EVL: variants seen among roughly 807,000 people sequenced by gnomAD.
EVL encodes ena/VASP-like protein.
EVL carries 21 observed loss-of-function variants against 59.6 expected under a neutral mutation model. The ratio of observed to expected loss-of-function variants is 0.35; its 90% CI spans 0.25 to 0.51. The LOEUF (loss-of-function observed/expected upper bound fraction) is 0.51. Among genes scored for constraint, EVL ranks in the 20% least tolerant of loss-of-function variants. EVL has a pLI of 0.97. For synonymous variants in EVL, 198 were observed against 203.5 expected (o/e 0.97, Z 0.23); for missense variants, 462 against 546.6 (o/e 0.85, Z 1.54).
chr14:100,078,408 T>C (rs2062212932), intron 1 of EVL, among the ~76,000 whole-genome samples: 2 of 152,072 alleles, frequency 1.3e-5, no homozygotes, highest in Admixed American at 1.3e-4. Context: ...GTTTTCAGAA[T>C]GAGGACATAG....
chr14:100,118,878 A>G (rs1183285238), intron 3 of EVL, among the ~76,000 whole-genome samples: 1 of 152,208 alleles, frequency 6.6e-6, no homozygotes, highest in Non-Finnish European at 1.5e-5. Flanking sequence ...CTTAGACTCG[A>G]AGCTGGAAAG....
chr14:100,043,643 C>A (rs2140236656), intron 1 of EVL, among the ~76,000 whole-genome samples: 1 of 146,716 alleles, frequency 6.8e-6, no homozygotes, highest in Non-Finnish European at 1.5e-5. Context: ...GACAGGGTCT[C>A]ACTCTGTTGC....
chr14:100,136,128 C>T (rs1032582270), intron 9 of EVL, among the ~76,000 whole-genome samples, 160 bp downstream of exon 9: 1 of 144,158 alleles, frequency 6.9e-6, no homozygotes, highest in African/African-American at 2.5e-5. Flanking sequence ...CAGAGCCTCC[C>T]CCAGGAGCCC....
At chr14:99,976,234 G>T (rs1022003004) in intron 1 of EVL, among the ~76,000 whole-genome samples, 1 of 151,438 alleles carries the variant, frequency 6.6e-6, no homozygotes, top group African/African-American at 2.4e-5. Context: ...AAGTGACAGG[G>T]TCTTGCTGTG....
chr14:100,070,873 A>T (rs1393810395), intron 1 of EVL, among the ~76,000 whole-genome samples: 1 of 152,254 alleles, frequency 6.6e-6, no homozygotes, highest in Non-Finnish European at 1.5e-5. Flanking sequence ...GAAGACACAG[A>T]GCAAAATATA....
intron 1 of EVL, among the ~76,000 whole-genome samples, chr14:99,981,101 T>C (rs2060803159): frequency 6.6e-6 from 1 of 151,640 alleles, no homozygotes; most frequent in Non-Finnish European, 1.5e-5. Flanking sequence ...AGGCATCTGC[T>C]TTTTAGGCTT....
upstream of EVL, among the ~76,000 whole-genome samples, chr14:100,063,291 C>T (rs541078740): frequency 1.2e-4 from 18 of 152,252 alleles, no homozygotes; most frequent in African/African-American, 3.9e-4. Context: ...GAAGAAGGGT[C>T]GGAGCACTGC....
At chr14:100,050,192 A>G (rs1281031442) in intron 1 of EVL, among the ~76,000 whole-genome samples, 1 of 152,200 alleles carries the variant, frequency 6.6e-6, no homozygotes, top group Non-Finnish European at 1.5e-5. Context: ...GAGCGGGGAA[A>G]GGAGAGGAGC....
chr14:99,997,141 T>A (rs1291538057), intron 1 of EVL, among the ~76,000 whole-genome samples: 8 of 152,258 alleles, frequency 5.3e-5, no homozygotes, highest in Admixed American at 6.5e-5. Flanking sequence ...TTGTGTCATT[T>A]CCCATCTTTA....
chr14:100,047,790 G>A (rs746206742), intron 1 of EVL, among the ~76,000 whole-genome samples: 11 of 152,152 alleles, frequency 7.2e-5, no homozygotes, highest in South Asian at 2.1e-4. Context: ...GCTTGGACAC[G>A]TGGGTAGAAA....
intron 1 of EVL, among the ~76,000 whole-genome samples, chr14:99,988,874 C>T (rs1390421399): frequency 6.6e-6 from 1 of 152,090 alleles, no homozygotes; most frequent in Non-Finnish European, 1.5e-5. Flanking sequence ...TCTATAGAGA[C>T]AGAATGTAGA....
At chr14:100,123,515 G>T (rs754982771) in intron 3 of EVL, 24 bp from the exon 4 acceptor site, 2 of 1,613,362 alleles carry the variant, frequency 1.2e-6, no homozygotes, top group South Asian at 2.2e-5. Flanking sequence ...TAACCACACT[G>T]TTTCTGTGCT....
chr14:100,044,080 A>T (rs1046333343), intron 1 of EVL, among the ~76,000 whole-genome samples: 8 of 152,192 alleles, frequency 5.3e-5, no homozygotes, highest in Admixed American at 3.3e-4. Context: ...CACACCCAGA[A>T]ATAACACTTT....
At chr14:100,123,463 T>C in intron 3 of EVL, 76 bp from the exon 4 acceptor site, 1 of 1,463,776 alleles carries the variant, frequency 6.8e-7, no homozygotes, top group South Asian at 1.2e-5. Flanking sequence ...TGGGCAGAGA[T>C]AGAGAGCACT....
chr14:100,119,561 TG>T (rs1363130994), intron 3 of EVL, among the ~76,000 whole-genome samples: 1 of 152,104 alleles, frequency 6.6e-6, no homozygotes, highest in African/African-American at 2.4e-5. Flanking sequence ...CAGCAAGGCT[TG>T]GGGGGCAGAG....
intron 1 of EVL, among the ~76,000 whole-genome samples, chr14:100,024,012 T>G (rs2061170225): frequency 6.6e-6 from 1 of 152,216 alleles, no homozygotes; most frequent in East Asian, 1.9e-4. Context: ...ATCAGAGACT[T>G]CTGTTTCTCA....
At chr14:100,015,042 A>G (rs2061040343) in intron 1 of EVL, among the ~76,000 whole-genome samples, 1 of 152,328 alleles carries the variant, frequency 6.6e-6, no homozygotes, top group Middle Eastern at 3.4e-3. Context: ...CTTGATTGGC[A>G]CATTAGATTC....
intron 3 of EVL, among the ~76,000 whole-genome samples, chr14:100,099,254 T>C (rs3825553): frequency 0.38 from 58,060 of 151,094 alleles, 14,385 homozygotes; most frequent in African/African-American, 0.7. Flanking sequence ...AGTTTAAGTG[T>C]TAGGAGATCT....
intron 1 of EVL, among the ~76,000 whole-genome samples, chr14:100,067,154 G>A (rs1045828410): frequency 6.6e-6 from 1 of 152,188 alleles, no homozygotes; most frequent in African/African-American, 2.4e-5. Flanking sequence ...ACAGGTCCCT[G>A]GCCTGGCACC....
Sources: gnomAD v4.1 joint callset for allele counts (sites outside exome capture counted in the v4.1 genomes callset) on GRCh38, gnomAD v4.1.1 for gene constraint, MANE v1.5 for transcripts, NCBI Gene and HGNC (gene_info 2026-07-23, HGNC 2026-07-21) for gene names.